NCAM1: variants seen among roughly 807,000 people sequenced by gnomAD.
The protein encoded by NCAM1 is antigen recognized by monoclonal antibody 5.1H11.
A neutral mutation model predicts 109.8 loss-of-function variants in NCAM1; 14 were observed. The ratio of observed to expected loss-of-function variants is 0.13; its 90% CI spans 0.08 to 0.20. The LOEUF (loss-of-function observed/expected upper bound fraction) is 0.20. Ranked by LOEUF, NCAM1 falls within the 10% of genes least tolerant of loss-of-function variation. The probability of loss-of-function intolerance (pLI) is 1.00; values close to 1 mark genes in which losing one functional copy is unlikely to be tolerated. For synonymous variants in NCAM1, 418 were observed against 442.9 expected (o/e 0.94, Z 0.70); for missense variants, 774 against 1,109.9 (o/e 0.70, Z 4.30).
At chr11:113,041,522 T>A (rs1198877207) in intron 1 of NCAM1, among the ~76,000 whole-genome samples, 2 of 152,102 alleles carry the variant, frequency 1.3e-5, no homozygotes, top group African/African-American at 4.8e-5. Context: ...ATTGACCATT[T>A]GGTTATGTAA....
chr11:113,132,094 C>T (rs782051257), intron 1 of NCAM1, among the ~76,000 whole-genome samples: 2 of 152,170 alleles, frequency 1.3e-5, no homozygotes, highest in Non-Finnish European at 2.9e-5. Flanking sequence ...TCTCCCTCCT[C>T]CATGACTTTG....
At chr11:113,226,151 A>G (rs1555116184) in intron 9 of NCAM1, among the ~76,000 whole-genome samples, 1 of 152,246 alleles carries the variant, frequency 6.6e-6, no homozygotes, top group Non-Finnish European at 1.5e-5. Context: ...TTGGATAAAG[A>G]GTCAAGACCC....
intron 1 of NCAM1, among the ~76,000 whole-genome samples, chr11:113,146,376 T>A (rs1942018018): frequency 6.6e-6 from 1 of 152,192 alleles, no homozygotes. Context: ...AATAAGGTAA[T>A]CTGATTGCTA....
At chr11:113,186,207 A>T (rs1284101647) in intron 1 of NCAM1, among the ~76,000 whole-genome samples, 1 of 152,208 alleles carries the variant, frequency 6.6e-6, no homozygotes, top group Admixed American at 6.5e-5. Context: ...GCACGGCAGG[A>T]GGTGAGCAGT....
chr11:113,090,460 T>C (rs782156648), intron 1 of NCAM1, among the ~76,000 whole-genome samples: 1 of 152,200 alleles, frequency 6.6e-6, no homozygotes, highest in Non-Finnish European at 1.5e-5. Context: ...TGAAATGCAA[T>C]GAATGAACTC....
At chr11:113,167,595 A>G (rs550475723) in intron 1 of NCAM1, among the ~76,000 whole-genome samples, 1 of 151,442 alleles carries the variant, frequency 6.6e-6, no homozygotes, top group Non-Finnish European at 1.5e-5. Flanking sequence ...TCACTCAAAA[A>G]CTTCAATTCC....
intron 1 of NCAM1, among the ~76,000 whole-genome samples, chr11:113,190,563 A>G (rs561281841): frequency 7.9e-5 from 12 of 152,194 alleles, no homozygotes; most frequent in Non-Finnish European, 1.5e-4. Context: ...AGCCATGGTC[A>G]TGATGACGTG....
chr11:113,198,159 C>T (rs969652337), intron 1 of NCAM1, among the ~76,000 whole-genome samples: 6 of 152,122 alleles, frequency 3.9e-5, no homozygotes, highest in Non-Finnish European at 5.9e-5. Context: ...TTTTTTCTGT[C>T]TGTGAACAAG....
chr11:113,241,371 A>C (rs1047027063), intron 14 of NCAM1, among the ~76,000 whole-genome samples: 1 of 152,196 alleles, frequency 6.6e-6, no homozygotes, highest in Admixed American at 6.5e-5. Flanking sequence ...AGTGTCTGGC[A>C]GATGTGCCTG....
At chr11:113,149,655 A>T (rs1555102040) in intron 1 of NCAM1, among the ~76,000 whole-genome samples, 3 of 152,192 alleles carry the variant, frequency 2.0e-5, no homozygotes, top group African/African-American at 7.2e-5. Context: ...GTGAGGAAAA[A>T]TTTATTTTTT....
intron 1 of NCAM1, among the ~76,000 whole-genome samples, chr11:113,104,128 T>A (rs1555092049): frequency 6.8e-6 from 1 of 147,814 alleles, no homozygotes; most frequent in Admixed American, 7.0e-5. Context: ...TTGGGTTTTG[T>A]GGCTTTGCAT....
chr11:113,122,254 C>A (rs543579991), intron 1 of NCAM1, among the ~76,000 whole-genome samples: 1 of 152,186 alleles, frequency 6.6e-6, no homozygotes, highest in Non-Finnish European at 1.5e-5. Flanking sequence ...ACTGGTTTAT[C>A]GACTAGTCTG....
At position 113,232,277 on chromosome 11, in the gene NCAM1, C is replaced by T. The variant is rs781941272; in HGVS notation, c.1348C>T (p.Arg450Trp). Residue 450 changes from arginine (R) to tryptophan (W), a missense_variant, in exon 11 of 20, where the codon CGG (arginine) becomes TGG (tryptophan). This residue lies in a region of NCAM1 where 523 missense variants were observed against 784.2 expected (regional missense o/e 0.67). Transcript: ENST00000316851. Reference protein sequence around the residue: ...AYPSATISWFRDGQLLPSSNY... With the variant: ...AYPSATISWFWDGQLLPSSNY... ...TCCCAGTGCCACGATCTCATGGTTT[C>T]GGGATGGCCAGCTGCTGCCAAGCTC... 3.2e-5 allele frequency: 52 copies of T among 1,613,784 alleles called. No individual in the cohort carries two copies. The highest frequency in any genetic ancestry group is 4.5e-5 in the East Asian group (2 of 44,890).
chr11:113,053,271 G>A (rs980605965), intron 1 of NCAM1, among the ~76,000 whole-genome samples: 1 of 152,114 alleles, frequency 6.6e-6, no homozygotes, highest in African/African-American at 2.4e-5. Flanking sequence ...GTATTCCATG[G>A]TGTATATGTA....
chr11:112,996,455 CAT>C (rs1345995902), intron 1 of NCAM1, among the ~76,000 whole-genome samples: 1 of 152,276 alleles, frequency 6.6e-6, no homozygotes, highest in East Asian at 1.9e-4. Flanking sequence ...ACTGATATGA[CAT>C]AACGTACTTA....
At chr11:113,249,994 T>A (rs1282765605) in intron 15 of NCAM1, among the ~76,000 whole-genome samples, 1 of 152,170 alleles carries the variant, frequency 6.6e-6, no homozygotes. Flanking sequence ...GAACCGGCCG[T>A]GCCCACACTC....
intron 1 of NCAM1, among the ~76,000 whole-genome samples, chr11:113,009,530 C>T (rs1232353206): frequency 3.3e-5 from 5 of 151,448 alleles, no homozygotes; most frequent in Non-Finnish European, 7.4e-5. Flanking sequence ...ACCCTGTTGC[C>T]CAGGTTGGTA....
In NCAM1 at chr11:113,275,477, CGCACACACACAAACACACAT is replaced by C; in HGVS notation, c.*102_*121del. The C allele has an allele frequency of 6.8e-7, 1 of 1,469,960 alleles. No individual in the cohort carries two copies. Among genetic ancestry groups the C allele is most frequent in the East Asian group, 2.5e-5 (1 of 40,554 alleles). 91.1% of individuals were successfully genotyped at this position (1,469,960 alleles called of 1,614,324 possible). A position where few individuals can be genotyped will look rare whatever the true frequency, so the allele number is the denominator to read the frequency against. ...CCAACACCACAGACACACACACGCACGCACACACACAAACACACATGCACACACACACATCTCATTTCTCT... is the reference window on the plus strand; with the variant it reads ...CCAACACCACAGACACACACACGCACGCACACACACACATCTCATTTCTCT... On this transcript the variant is annotated 3_prime_UTR_variant, in exon 20 of 20. Transcript: ENST00000316851.
At chr11:113,002,229 A>G (rs1346527227) in intron 1 of NCAM1, among the ~76,000 whole-genome samples, 1 of 152,232 alleles carries the variant, frequency 6.6e-6, no homozygotes, top group Non-Finnish European at 1.5e-5. Flanking sequence ...ACCTGTGTTC[A>G]TTGCAAAAGC....
Sources: allele counts gnomAD v4.1 joint callset (sites outside exome capture counted in the v4.1 genomes callset), GRCh38; gene constraint gnomAD v4.1.1; regional missense constraint gnomAD v4.1.1; transcripts MANE v1.5; gene names NCBI Gene and HGNC (gene_info 2026-07-23, HGNC 2026-07-21).